The following CDK6 variants were observed in gnomAD, a reference collection of about 807,000 sequenced individuals.
CDK6 encodes cyclin-dependent kinase 6.
A neutral mutation model predicts 37.1 loss-of-function variants in CDK6; 6 were observed. The ratio of observed to expected loss-of-function variants is 0.16; its 90% CI spans 0.09 to 0.32. The LOEUF (loss-of-function observed/expected upper bound fraction) is 0.32. Ranked by LOEUF, CDK6 falls within the 10% of genes least tolerant of loss-of-function variation. CDK6 has a pLI of 1.00. For missense variants in CDK6, 224 were observed against 418.9 expected (o/e 0.53, Z 4.06); for synonymous variants, 160 against 161.3 (o/e 0.99, Z 0.06).
At chr7:92,748,927 C>G (rs975251823) in intron 3 of CDK6, among the ~76,000 whole-genome samples, 2 of 152,004 alleles carry the variant, frequency 1.3e-5, no homozygotes, top group African/African-American at 4.8e-5. Flanking sequence ...CACGGCTGGG[C>G]GCGATGGCTC....
rs117605634 is a variant in CDK6 at position 92,619,624 on chromosome 7, T to C, written c.699-1417A>G. 3.3e-5 allele frequency among the ~76,000 whole-genome samples: 5 copies of C among 151,850 alleles called. No individual in the cohort carries two copies. The East Asian group carries it at 7.8e-4, about 24-fold the overall frequency. On this transcript the variant is annotated intron_variant, in intron 6 of 7. Coordinates refer to ENST00000424848, the MANE Select transcript of CDK6 (RefSeq NM_001145306.2). ...GATGTGGTACAGGTCTCAAGATCTG[T>C]AGCACTTCATTTCCCCTTCCCTCAC... is the stretch of plus-strand genomic sequence containing the variant.
intron 2 of CDK6, among the ~76,000 whole-genome samples, chr7:92,813,018 T>C (rs1478953091): frequency 6.6e-6 from 1 of 152,224 alleles, no homozygotes; most frequent in African/African-American, 2.4e-5. Context: ...CTAAGTAAGT[T>C]ACAACTAAAT....
intron 4 of CDK6, among the ~76,000 whole-genome samples, chr7:92,679,851 G>C (rs1258686132): frequency 1.3e-5 from 2 of 151,724 alleles, no homozygotes; most frequent in Non-Finnish European, 2.9e-5. Flanking sequence ...TTCCCCAGTA[G>C]TTGGGATTAC....
intron 6 of CDK6, among the ~76,000 whole-genome samples, chr7:92,618,754 A>G (rs990379312): frequency 9.2e-5 from 14 of 152,360 alleles, no homozygotes; most frequent in African/African-American, 3.4e-4. Flanking sequence ...AAATGAGGCT[A>G]AAACGTGCTA....
chr7:92,627,525 C>G (rs190509705), intron 5 of CDK6, among the ~76,000 whole-genome samples: 2 of 151,952 alleles, frequency 1.3e-5, no homozygotes, highest in African/African-American at 4.8e-5. Flanking sequence ...GGAAATGAAC[C>G]CTCTCCAGAT....
At position 92,832,011 on chromosome 7, in the gene CDK6, T is replaced by C. The variant is rs139418804; in HGVS notation, c.233+1080A>G. 8.1e-3 allele frequency among the ~76,000 whole-genome samples: 1,232 copies of C among 152,352 alleles called. 6 individuals are homozygous for C. Among genetic ancestry groups the C allele is most frequent in the South Asian group, 0.017 (84 of 4,832 alleles). On this transcript the variant is annotated intron_variant, in intron 2 of 7. Coordinates refer to ENST00000424848, the MANE Select transcript of CDK6 (RefSeq NM_001145306.2). ...CCTCAGCGCACACAGTAGGCATGTA[T>C]TTGTTGAACAGAAGCCCTAAATGGA...
chr7:92,819,924 A>T (rs1404113218), intron 2 of CDK6, among the ~76,000 whole-genome samples: 1 of 152,064 alleles, frequency 6.6e-6, no homozygotes, highest in Non-Finnish European at 1.5e-5. Context: ...TGCAAGATCA[A>T]ATATCTGACT....
At chr7:92,763,023 A>T (rs1799496254) in intron 3 of CDK6, among the ~76,000 whole-genome samples, 1 of 152,234 alleles carries the variant, frequency 6.6e-6, no homozygotes, top group South Asian at 2.1e-4. Flanking sequence ...ATTCTAATCT[A>T]AAAGTGGTAT....
At chr7:92,796,831 T>C (rs1800425812) in intron 2 of CDK6, among the ~76,000 whole-genome samples, 1 of 152,074 alleles carries the variant, frequency 6.6e-6, no homozygotes, top group African/African-American at 2.4e-5. Flanking sequence ...CTCCAGGAGG[T>C]TAGCTTTTAG....
intron 2 of CDK6, among the ~76,000 whole-genome samples, chr7:92,785,106 G>C (rs965186316): frequency 6.6e-6 from 1 of 152,144 alleles, no homozygotes; most frequent in Non-Finnish European, 1.5e-5. Flanking sequence ...GGCATCATTC[G>C]TGATAGCCCA....
rs1386095284 is a variant in CDK6, at chr7:92,763,496, T to A, written c.369+11200A>T. Among the ~76,000 whole-genome samples, 11 of 152,354 alleles carry A rather than the reference T, an allele frequency of 7.2e-5. No homozygotes were observed. In the South Asian group the frequency reaches 8.3e-4, roughly 11 times the overall value. ...CACTTTTTTAAAGGAAAGATTTTTG[T>A]GTGGCTTAAAAATTTTTAGTTGGAA... On this transcript the variant is annotated intron_variant, in intron 3 of 7. Coordinates refer to ENST00000424848, the MANE Select transcript of CDK6 (RefSeq NM_001145306.2).
At chr7:92,819,573 A>AT (rs1801119643) in intron 2 of CDK6, among the ~76,000 whole-genome samples, 1 of 152,140 alleles carries the variant, frequency 6.6e-6, no homozygotes, top group Non-Finnish European at 1.5e-5. Flanking sequence ...GCCAAAGGAT[A>AT]TTCAAAGATC....
intron 4 of CDK6, among the ~76,000 whole-genome samples, chr7:92,684,547 T>G (rs1336099586): frequency 2.0e-5 from 3 of 152,108 alleles, no homozygotes; most frequent in Non-Finnish European, 2.9e-5. Flanking sequence ...TGCACAGGCA[T>G]GTCTATGCTG....
At chr7:92,689,388 GC>G (rs1797547959) in intron 4 of CDK6, among the ~76,000 whole-genome samples, 1 of 152,106 alleles carries the variant, frequency 6.6e-6, no homozygotes, top group Admixed American at 6.6e-5. Flanking sequence ...AAGGGTAATG[GC>G]CTCCAGCTCC....
At chr7:92,632,149 T>G (rs893661574) in intron 5 of CDK6, among the ~76,000 whole-genome samples, 4 of 152,114 alleles carry the variant, frequency 2.6e-5, no homozygotes, top group African/African-American at 9.7e-5. Flanking sequence ...ATCACCTCTA[T>G]GCTCACACAC....
At chr7:92,650,720 G>T (rs913763513) in intron 5 of CDK6, among the ~76,000 whole-genome samples, 1 of 152,270 alleles carries the variant, frequency 6.6e-6, no homozygotes, top group East Asian at 1.9e-4. Context: ...GTAAGACTGA[G>T]GTCCCTGTCT....
chr7:92,730,084 CAA>C (rs1302741375), intron 3 of CDK6, among the ~76,000 whole-genome samples: 1 of 152,102 alleles, frequency 6.6e-6, no homozygotes, highest in Admixed American at 6.6e-5. Context: ...TGATTATTTC[CAA>C]AAGACACTAA....
intron 6 of CDK6, 74 bp downstream of exon 6, chr7:92,622,962 T>C: frequency 2.3e-6 from 2 of 858,464 alleles, no homozygotes; most frequent in Non-Finnish European, 3.8e-6. Flanking sequence ...ACACATGATA[T>C]GCATGTCAGA....
At chr7:92,683,975 A>C (rs1015927404) in intron 4 of CDK6, among the ~76,000 whole-genome samples, 54 of 152,360 alleles carry the variant, frequency 3.5e-4, no homozygotes, top group African/African-American at 1.2e-3. Flanking sequence ...TCTCTTCTCT[A>C]AAACTTTTCA....
Sources: gnomAD v4.1 joint callset for allele counts (sites outside exome capture counted in the v4.1 genomes callset) on GRCh38, gnomAD v4.1.1 for gene constraint, MANE v1.5 for transcripts, NCBI Gene and HGNC (gene_info 2026-07-23, HGNC 2026-07-21) for gene names.